The following TENM2 variants were observed in gnomAD, a reference collection of about 807,000 sequenced individuals.
TENM2 encodes teneurin transmembrane protein 2.
In TENM2, 52 loss-of-function variants were observed where a neutral mutation model predicts 245.2. That is an observed-to-expected ratio of 0.21 (90% CI 0.17 to 0.27). The LOEUF (loss-of-function observed/expected upper bound fraction) is 0.27. TENM2 is among the 10% of genes least tolerant of loss of function. The pLI, the probability that TENM2 is intolerant of heterozygous loss-of-function variation, is 1.00. For synonymous variants in TENM2, 1,363 were observed against 1,438.9 expected, an observed-to-expected ratio of 0.95 and a Z score of 1.19; for missense variants, 3,046 against 3,666.8, an observed-to-expected ratio of 0.83 and a Z score of 4.37.
At chr5:167,054,251 A>T in the TENM2 span, among the ~76,000 whole-genome samples, 234 of 152,202 alleles carry the variant, frequency 1.5e-3, no homozygotes, top group African/African-American at 5.2e-3. Context: ...CCACAATTTC[A>T]CCATTTCTTC....
At chr5:167,728,447 T>C (rs1223992937) in intron 2 of TENM2, among the ~76,000 whole-genome samples, 1 of 151,310 alleles carries the variant, frequency 6.6e-6, no homozygotes, top group Non-Finnish European at 1.5e-5. Context: ...TACTAAAAAA[T>C]AAAAAATAAA....
At chr5:168,199,174 C>T (rs1761715412) in intron 16 of TENM2, 60 bp downstream of exon 18, 2 of 1,536,762 alleles carry the variant, frequency 1.3e-6, no homozygotes, top group East Asian at 4.7e-5. Context: ...ACCAACTGGA[C>T]ACTGCCTCTC....
At chr5:168,204,454 C>T in exon 19 of TENM2, 1 of 1,614,024 alleles carries the variant, frequency 6.2e-7, no homozygotes, top group Non-Finnish European at 8.5e-7. Context: ...GCAATGGTCG[C>T]CGCCGGAGCA....
chr5:167,487,658 C>T (rs1234325830), intron 2 of TENM2, among the ~76,000 whole-genome samples: 1 of 152,106 alleles, frequency 6.6e-6, no homozygotes, highest in Non-Finnish European at 1.5e-5. Context: ...TCTACTTTCA[C>T]TAATTAATTC....
Position 167,527,805 on chromosome 5 carries a change from A to T in TENM2, c.502+152332A>T, listed in dbSNP as rs563976557. On this transcript the variant is annotated intron_variant, in intron 2 of 28. Transcript: ENST00000518659. ...TATTGGATGAAGGTTTAATCATCCA[A>T]TAGAGTTAGGGGGTTCTTGTCCTGA... Among the ~76,000 whole-genome samples the T allele has an allele frequency of 2.6e-5, 4 of 152,268 alleles. No individual in the cohort carries two copies. In the East Asian group the frequency reaches 7.7e-4, roughly 29 times the overall value.
chr5:167,521,686 A>G (rs1770766711), intron 2 of TENM2, among the ~76,000 whole-genome samples: 2 of 152,140 alleles, frequency 1.3e-5, no homozygotes, highest in African/African-American at 4.8e-5. Flanking sequence ...TGGGATCAGC[A>G]TTGAGAAAAA....
At chr5:167,643,750 A>G (rs1349481420) in intron 2 of TENM2, among the ~76,000 whole-genome samples, 1 of 152,204 alleles carries the variant, frequency 6.6e-6, no homozygotes, top group African/African-American at 2.4e-5. Context: ...TTCGAACCCT[A>G]AATGGTGGAA....
the TENM2 span, among the ~76,000 whole-genome samples, chr5:167,103,883 T>TAC: frequency 3.3e-5 from 5 of 151,710 alleles, no homozygotes; most frequent in African/African-American, 7.3e-5. Context: ...TGCATGTGTG[T>TAC]ACACACACAC....
At chr5:168,115,625 G>C (rs1282219495) in intron 9 of TENM2, among the ~76,000 whole-genome samples, 1 of 152,090 alleles carries the variant, frequency 6.6e-6, no homozygotes, top group African/African-American at 2.4e-5. Flanking sequence ...CAGAGAGTCA[G>C]AAACAGCCCT....
the TENM2 span, among the ~76,000 whole-genome samples, chr5:166,988,897 G>GGC: frequency 5.9e-5 from 9 of 152,170 alleles, no homozygotes; most frequent in Non-Finnish European, 1.2e-4. Flanking sequence ...CCACTGGTTT[G>GGC]GCTTTGATAT....
chr5:167,272,643 G>A, the TENM2 span, among the ~76,000 whole-genome samples: 3 of 151,960 alleles, frequency 2.0e-5, no homozygotes, highest in Non-Finnish European at 4.4e-5. Flanking sequence ...ATTACTTGTC[G>A]TAATTTTTAA....
At chr5:168,154,164 A>AAAAAAAAAAAAAC (rs1171979738) in intron 12 of TENM2, among the ~76,000 whole-genome samples, 1 of 150,658 alleles carries the variant, frequency 6.6e-6, no homozygotes, top group African/African-American at 2.5e-5. Context: ...AAAAAAAAAA[A>AAAAAAAAAAAAAC]AACAGTAAGA....
At chr5:167,066,988 A>G in the TENM2 span, among the ~76,000 whole-genome samples, 2 of 152,210 alleles carry the variant, frequency 1.3e-5, no homozygotes, top group East Asian at 1.9e-4. Flanking sequence ...AGTCTCAACT[A>G]TCTATGAATT....
chr5:168,207,403 C>T (rs577428422), intron 19 of TENM2, among the ~76,000 whole-genome samples: 1 of 152,288 alleles, frequency 6.6e-6, no homozygotes, highest in East Asian at 1.9e-4. Context: ...GCCATGCCCA[C>T]GTGGTGACAT....
chr5:167,516,171 C>T (rs1409325935), intron 2 of TENM2, among the ~76,000 whole-genome samples: 1 of 152,068 alleles, frequency 6.6e-6, no homozygotes, highest in East Asian at 1.9e-4. Flanking sequence ...TTCTGTAAGA[C>T]ACTAGCTACC....
intron 5 of TENM2, among the ~76,000 whole-genome samples, chr5:168,019,799 A>C (rs1489980506): frequency 6.6e-6 from 1 of 152,228 alleles, no homozygotes; most frequent in Non-Finnish European, 1.5e-5. Context: ...TGGGTTTAAT[A>C]AACTTTCCTA....
chr5:167,028,526 T>C, the TENM2 span, among the ~76,000 whole-genome samples: 4 of 152,166 alleles, frequency 2.6e-5, no homozygotes, highest in Non-Finnish European at 5.9e-5. Context: ...GATTTTTATA[T>C]ATTTGGTTAA....
the TENM2 span, among the ~76,000 whole-genome samples, chr5:166,997,386 A>G: frequency 2.6e-4 from 39 of 152,280 alleles, no homozygotes; most frequent in Non-Finnish European, 5.0e-4. Flanking sequence ...AAGTCAAGAG[A>G]TTTTATGGAA....
At chr5:167,912,942 C>T (rs1347874926) in intron 3 of TENM2, among the ~76,000 whole-genome samples, 1 of 152,034 alleles carries the variant, frequency 6.6e-6, no homozygotes, top group Non-Finnish European at 1.5e-5. Flanking sequence ...AGAAGGTATT[C>T]CCAGATGGAA....
Sources: gnomAD v4.1 joint callset for allele counts (sites outside exome capture counted in the v4.1 genomes callset) on GRCh38, gnomAD v4.1.1 for gene constraint, MANE v1.5 for transcripts, NCBI Gene and HGNC (gene_info 2026-07-23, HGNC 2026-07-21) for gene names.